Variants in SMIM35 observed in about 807,000 individuals in gnomAD.
The protein encoded by SMIM35 is TMPRSS4 antisense RNA 1 (non-protein coding).
chr11:118,083,072 G>C (rs1271668106), intron 1 of SMIM35, among the ~76,000 whole-genome samples: 1 of 152,154 alleles, frequency 6.6e-6, no homozygotes, highest in Non-Finnish European at 1.5e-5. Context: ...CGCCGCTGCG[G>C]GGCTCGGTCG....
chr11:118,070,602 T>C (rs1172014146), intron 1 of SMIM35, among the ~76,000 whole-genome samples: 1 of 152,212 alleles, frequency 6.6e-6, no homozygotes, highest in African/African-American at 2.4e-5. Context: ...TTCTAACCCT[T>C]GGGCTGCCCC....
intron 1 of SMIM35, among the ~76,000 whole-genome samples, chr11:118,024,129 G>GA (rs78230296): frequency 6.6e-6 from 1 of 151,532 alleles, no homozygotes; most frequent in African/African-American, 2.4e-5. Flanking sequence ...AGGGAAAACA[G>GA]AAAAAAAAAT....
chr11:118,068,137 T>C (rs1426204636), intron 1 of SMIM35, among the ~76,000 whole-genome samples: 2 of 151,816 alleles, frequency 1.3e-5, no homozygotes, highest in Non-Finnish European at 2.9e-5. Context: ...CATGTATGAT[T>C]CATCTCCCCG....
intron 1 of SMIM35, among the ~76,000 whole-genome samples, chr11:118,042,829 G>A (rs74368150): frequency 2.6e-5 from 4 of 152,284 alleles, no homozygotes; most frequent in Non-Finnish European, 4.4e-5. Flanking sequence ...TTTCTCCCTC[G>A]AGAGCAAGAT....
intron 1 of SMIM35, among the ~76,000 whole-genome samples, chr11:118,082,919 A>G (rs953136429): frequency 8.5e-5 from 13 of 152,234 alleles, no homozygotes; most frequent in Admixed American, 5.9e-4. Context: ...CCCCAAGCGT[A>G]CTTTGACCTC....
At chr11:118,010,700 G>A (rs2058145376) in intron 4 of SMIM35, among the ~76,000 whole-genome samples, 1 of 152,180 alleles carries the variant, frequency 6.6e-6, no homozygotes, top group Admixed American at 6.5e-5. Context: ...TGGCCAGGAG[G>A]GGAGGGGCTG....
intron 1 of SMIM35, chr11:118,077,258 C>G: frequency 6.3e-7 from 1 of 1,590,932 alleles, no homozygotes; most frequent in South Asian, 1.1e-5. Context: ...GGGTGACAAT[C>G]TCAGCTCCAG....
chr11:118,035,919 G>T (rs1001146536), intron 1 of SMIM35, among the ~76,000 whole-genome samples: 3 of 152,040 alleles, frequency 2.0e-5, no homozygotes, highest in Admixed American at 2.0e-4. Context: ...GTCGAGTCTC[G>T]CTCTATCGCC....
chr11:118,039,828 C>G (rs1943970108), intron 1 of SMIM35, among the ~76,000 whole-genome samples: 2 of 150,744 alleles, frequency 1.3e-5, no homozygotes, highest in African/African-American at 4.9e-5. Flanking sequence ...AGGCGGGACT[C>G]GAGAAAAGGA....
intron 1 of SMIM35, among the ~76,000 whole-genome samples, chr11:118,030,145 C>T (rs1405159733): frequency 6.6e-6 from 1 of 152,028 alleles, no homozygotes; most frequent in Non-Finnish European, 1.5e-5. Flanking sequence ...AGTGATTCTT[C>T]CACCTCAGCC....
intron 1 of SMIM35, among the ~76,000 whole-genome samples, chr11:118,052,537 G>T (rs7934267): frequency 0.28 from 42,720 of 151,910 alleles, 5,974 homozygotes; most frequent in South Asian, 0.31. Context: ...ATCTAAGAAA[G>T]CCTCAAAACT....
intron 1 of SMIM35, among the ~76,000 whole-genome samples, chr11:118,075,048 T>C (rs1017595048): frequency 3.9e-5 from 6 of 152,328 alleles, no homozygotes; most frequent in Non-Finnish European, 7.4e-5. Context: ...GTTCATCACC[T>C]GAGCACCAGG....
intron 1 of SMIM35, among the ~76,000 whole-genome samples, chr11:118,064,046 G>C (rs1944431415): frequency 6.6e-6 from 1 of 152,158 alleles, no homozygotes; most frequent in African/African-American, 2.4e-5. Flanking sequence ...CGGTCTTGTG[G>C]CACTGAGCCC....
At chr11:118,031,462 G>A (rs956957219) in intron 1 of SMIM35, among the ~76,000 whole-genome samples, 2 of 152,108 alleles carry the variant, frequency 1.3e-5, no homozygotes, top group Admixed American at 1.3e-4. Context: ...AATACAATAG[G>A]AGCATGTCAA....
chr11:118,072,489 A>T (rs1944587397), intron 1 of SMIM35, among the ~76,000 whole-genome samples: 1 of 152,214 alleles, frequency 6.6e-6, no homozygotes, highest in African/African-American at 2.4e-5. Context: ...CTCCGTCCTC[A>T]AAAAGAAACA....
intron 1 of SMIM35, among the ~76,000 whole-genome samples, chr11:118,056,007 G>C (rs1481796330): frequency 6.6e-6 from 1 of 152,048 alleles, no homozygotes; most frequent in Admixed American, 6.6e-5. Flanking sequence ...TTGCCAAGCA[G>C]AGGAGGTGGT....
intron 1 of SMIM35, among the ~76,000 whole-genome samples, chr11:118,078,013 C>CAAAAAAA (rs148383275): frequency 2.9e-3 from 209 of 70,964 alleles, no homozygotes; most frequent in East Asian, 4.2e-3. Context: ...AACTCCGTCT[C>CAAAAAAA]AAAAAAAAAA....
At chr11:118,036,178 T>C (rs1460078120) in intron 1 of SMIM35, among the ~76,000 whole-genome samples, 2 of 152,144 alleles carry the variant, frequency 1.3e-5, no homozygotes, top group Non-Finnish European at 1.5e-5. Context: ...TGAGCCACCA[T>C]GCCTGGCCAA....
chr11:118,066,090 C>T (rs1000660018), intron 1 of SMIM35, among the ~76,000 whole-genome samples: 13 of 152,124 alleles, frequency 8.5e-5, no homozygotes, highest in Non-Finnish European at 1.8e-4. Flanking sequence ...ACGACCTCCA[C>T]CCAGGGCTCT....
Sources: allele counts gnomAD v4.1 joint callset (sites outside exome capture counted in the v4.1 genomes callset), GRCh38; gene constraint gnomAD v4.1.1; transcripts MANE v1.5; gene names NCBI Gene and HGNC (gene_info 2026-07-23, HGNC 2026-07-21).